Variants in PTPRZ1 observed in about 807,000 individuals in gnomAD.
PTPRZ1 encodes the protein protein tyrosine phosphatase receptor type Z1, also known as receptor-type tyrosine-protein phosphatase zeta.
In PTPRZ1, 82 loss-of-function variants were observed where a neutral mutation model predicts 214.1. The observed-to-expected ratio is 0.38, with a 90% CI of 0.32 to 0.46. The LOEUF (loss-of-function observed/expected upper bound fraction) is 0.46. Ranked by LOEUF, PTPRZ1 falls within the 20% of genes least tolerant of loss-of-function variation. The probability of loss-of-function intolerance (pLI) is 1.00; values close to 1 mark genes in which losing one functional copy is unlikely to be tolerated. For missense variants in PTPRZ1, 2,603 were observed against 2,748.7 expected (o/e 0.95, Z 1.19); for synonymous variants, 945 against 987.9 (o/e 0.96, Z 0.81).
intron 11 of PTPRZ1, among the ~76,000 whole-genome samples, chr7:122,005,906 C>T (rs1420011730): frequency 4.6e-5 from 7 of 152,000 alleles, no homozygotes; most frequent in South Asian, 2.1e-4. Context: ...CCATGATTCA[C>T]GATCCATGCT....
chr7:122,037,224 G>A (rs1029161682), intron 18 of PTPRZ1, among the ~76,000 whole-genome samples: 4 of 150,746 alleles, frequency 2.7e-5, no homozygotes, highest in Non-Finnish European at 5.9e-5. Context: ...GCAGTGAGCC[G>A]AGATCGCACT....
chr7:122,013,554 G>A lies in PTPRZ1; in HGVS notation c.4508G>A (p.Gly1503Asp). The change falls in exon 12 of 30, where the codon GGT becomes GAT. Residue 1503 changes from glycine to aspartate, a missense_variant. Coordinates refer to ENST00000393386, the MANE Select transcript of PTPRZ1 (RefSeq NM_002851.3). The stretch of plus-strand genomic sequence containing the variant: ...CAAACTGGTATGGACAGAAGTCCTG[G>A]TAAATCACCATCAGCAAATGGGCTA... ...DSQTGMDRSP[G>D]KSPSANGLSQ... The A allele has an allele frequency of 5.6e-6, 9 of 1,614,178 alleles. No homozygotes were observed. The highest frequency in any genetic ancestry group is 7.6e-6 in the Non-Finnish European group (9 of 1,180,028).
Position 121,986,702 on chromosome 7 carries a change from G to A in PTPRZ1, c.928+2585G>A, listed in dbSNP as rs563358811. ...ATAATAATTTATTTATCACCTATTT[G>A]TCTGTGGTTTGGTTCCAAAATAAAT... is the stretch of plus-strand genomic sequence containing the variant. On this transcript the variant is annotated intron_variant, in intron 8 of 29. Coordinates refer to ENST00000393386, the MANE Select transcript of PTPRZ1 (RefSeq NM_002851.3). Among the ~76,000 whole-genome samples, 17 of 152,150 alleles carry A rather than the reference G, an allele frequency of 1.1e-4. No homozygotes were observed. The South Asian group carries it at 3.3e-3, about 30-fold the overall frequency.
chr7:121,936,975 A>G (rs1796102695), intron 2 of PTPRZ1, among the ~76,000 whole-genome samples: 1 of 152,178 alleles, frequency 6.6e-6, no homozygotes, highest in African/African-American at 2.4e-5. Context: ...TTCAGATGAG[A>G]TAACCGCTTG....
At chr7:121,976,021 C>T in intron 4 of PTPRZ1, 152 bp from the exon 5 acceptor site, 2 of 482,946 alleles carry the variant, frequency 4.1e-6, no homozygotes, top group Non-Finnish European at 7.3e-6. Context: ...CTTTCTATTC[C>T]CTTCCTTATT....
chr7:121,873,876 CA>C (rs964538138), intron 1 of PTPRZ1, among the ~76,000 whole-genome samples: 54 of 152,334 alleles, frequency 3.5e-4, no homozygotes, highest in African/African-American at 1.3e-3. Flanking sequence ...TCCTCTTTTG[CA>C]AAGTGTAGAA....
chr7:122,043,546 C>A (rs1436842077), intron 22 of PTPRZ1, among the ~76,000 whole-genome samples: 1 of 152,116 alleles, frequency 6.6e-6, no homozygotes, highest in Non-Finnish European at 1.5e-5. Flanking sequence ...AAATGGAAAC[C>A]TATGAATGGC....
At chr7:121,931,163 A>C (rs989014726) in intron 2 of PTPRZ1, among the ~76,000 whole-genome samples, 1 of 152,194 alleles carries the variant, frequency 6.6e-6, no homozygotes, top group African/African-American at 2.4e-5. Context: ...AATTCCTAAG[A>C]ATATCACAAG....
chr7:121,914,559 T>C lies in PTPRZ1; in HGVS notation c.59-13597T>C, dbSNP rs182358684. Among the ~76,000 whole-genome samples the C allele has an allele frequency of 8.5e-5, 13 of 152,298 alleles. No individual in the cohort carries two copies. In the East Asian group the frequency reaches 2.5e-3, roughly 29 times the overall value. ...GGCATTAAGCCATGAAAAGGATCAATTGTTTTTGTGAAAAATCCTTGGGAC... is the reference window on the plus strand; with the variant it reads ...GGCATTAAGCCATGAAAAGGATCAACTGTTTTTGTGAAAAATCCTTGGGAC... On this transcript the variant is annotated intron_variant, in intron 1 of 29. Coordinates refer to ENST00000393386, the MANE Select transcript of PTPRZ1 (RefSeq NM_002851.3).
At chr7:121,938,942 T>C (rs1796166263) in intron 2 of PTPRZ1, among the ~76,000 whole-genome samples, 1 of 152,126 alleles carries the variant, frequency 6.6e-6, no homozygotes, top group Non-Finnish European at 1.5e-5. Flanking sequence ...TCTTTCTAAG[T>C]AAATGTAACT....
chr7:122,028,659 G>A lies in PTPRZ1; in HGVS notation c.5080+16G>A, dbSNP rs374746293. The A allele has an allele frequency of 2.7e-6, 4 of 1,493,116 alleles. No individual in the cohort carries two copies. Among genetic ancestry groups the A allele is most frequent in the African/African-American group, 1.4e-5 (1 of 72,146 alleles). 92.5% of individuals were successfully genotyped at this position (1,493,116 alleles called of 1,614,324 possible). On this transcript the variant is annotated intron_variant, in intron 14 of 29. Coordinates refer to ENST00000393386, the MANE Select transcript of PTPRZ1 (RefSeq NM_002851.3). ...CCAATTTCAGGTAATGGCTTAAAGT[G>A]TGACCATGAGTAGCTGGTAGATGTT...
intron 1 of PTPRZ1, among the ~76,000 whole-genome samples, chr7:121,898,845 G>GA (rs1212115829): frequency 2.0e-5 from 3 of 152,216 alleles, no homozygotes; most frequent in Admixed American, 6.5e-5. Flanking sequence ...AGCTTCAGGG[G>GA]AAAAAAGCTA....
chr7:121,987,279 C>T (rs567798065), intron 8 of PTPRZ1, among the ~76,000 whole-genome samples: 1 of 152,210 alleles, frequency 6.6e-6, no homozygotes, highest in African/African-American at 2.4e-5. Flanking sequence ...CTCATCCCAC[C>T]CAAGTCTTCA....
intron 2 of PTPRZ1, among the ~76,000 whole-genome samples, chr7:121,934,248 A>G (rs2116395195): frequency 6.6e-6 from 1 of 152,282 alleles, no homozygotes; most frequent in Non-Finnish European, 1.5e-5. Context: ...AGGTAGTTGG[A>G]CAAGAACCGT....
rs578051824 is a variant in PTPRZ1 at position 121,958,130 on chromosome 7, C to A, written c.125-9821C>A. Among the ~76,000 whole-genome samples, 3 of 152,254 alleles carry A rather than the reference C, an allele frequency of 2.0e-5. No homozygotes were observed. In the Middle Eastern group the frequency reaches 0.01, roughly 518 times the overall value. Reference sequence around the variant, plus strand: ...CTTATCATCCTTCTTTCGTTCACAGCAAACTGTTTTTAAAAAGTGCTTTAA... The same window carrying A: ...CTTATCATCCTTCTTTCGTTCACAGAAAACTGTTTTTAAAAAGTGCTTTAA... On this transcript the variant is annotated intron_variant, in intron 2 of 29. Coordinates refer to ENST00000393386, the MANE Select transcript of PTPRZ1 (RefSeq NM_002851.3).
chr7:122,016,296 A>G (rs528569739), intron 12 of PTPRZ1, among the ~76,000 whole-genome samples: 16 of 152,176 alleles, frequency 1.1e-4, no homozygotes, highest in African/African-American at 3.6e-4. Flanking sequence ...ATCTTTTAAA[A>G]TGTTAATCTT....
intron 10 of PTPRZ1, among the ~76,000 whole-genome samples, chr7:122,000,153 C>T (rs910290758): frequency 1.3e-5 from 2 of 152,138 alleles, no homozygotes; most frequent in African/African-American, 4.8e-5. Flanking sequence ...CATCAAAAAC[C>T]TGTTCCTCCA....
In PTPRZ1 at chr7:122,013,017, A is replaced by G. The variant is rs1191925627; in HGVS notation, c.3971A>G (p.Asn1324Ser). ...TPVLSIDEPL[N>S]TLINKLIHSD... The stretch of plus-strand genomic sequence containing the variant: ...GTTTTATCAATTGATGAACCATTAA[A>G]TACACTAATAAATAAGCTTATACAT... The change falls in exon 12 of 30, where the codon AAT becomes AGT. Residue 1324 changes from asparagine to serine, a missense_variant. By Grantham distance (46) the Asn-to-Ser change is conservative. Coordinates refer to ENST00000393386, the MANE Select transcript of PTPRZ1 (RefSeq NM_002851.3). 6.2e-7 allele frequency: 1 copy of G among 1,614,132 alleles called. No individual in the cohort carries two copies. The highest frequency in any genetic ancestry group is 1.3e-5 in the African/African-American group (1 of 75,060).
Position 121,907,129 on chromosome 7 carries a change from T to C in PTPRZ1, c.59-21027T>C, listed in dbSNP as rs1795139154. Among the ~76,000 whole-genome samples the C allele has an allele frequency of 6.3e-5, 6 of 95,398 alleles. No homozygotes were observed. In the South Asian group the frequency reaches 2.2e-3, roughly 36 times the overall value. 62.6% of individuals were successfully genotyped at this position (95,398 alleles called of 152,430 possible). ...CATCAATAATTAATAATGTGACTAA[T>C]GCATGATAAAAAGAATAAGTTAAAT... On this transcript the variant is annotated intron_variant, in intron 1 of 29. Coordinates refer to ENST00000393386, the MANE Select transcript of PTPRZ1 (RefSeq NM_002851.3).
Sources: allele counts gnomAD v4.1 joint callset (sites outside exome capture counted in the v4.1 genomes callset), GRCh38; gene constraint gnomAD v4.1.1; transcripts MANE v1.5; gene names NCBI Gene and HGNC (gene_info 2026-07-23, HGNC 2026-07-21).